The following HRH2 variants were observed in gnomAD, a reference collection of about 807,000 sequenced individuals.
HRH2 encodes the protein histamine receptor H2.
A neutral mutation model predicts 20.1 loss-of-function variants in HRH2; 4 were observed. The ratio of observed to expected loss-of-function variants is 0.20; its 90% CI spans 0.10 to 0.45. The LOEUF is 0.45. Ranked by LOEUF, HRH2 falls within the 20% of genes least tolerant of loss-of-function variation. The probability of loss-of-function intolerance (pLI) is 0.99; values close to 1 mark genes in which losing one functional copy is unlikely to be tolerated. For missense variants in HRH2, 250 were observed against 461.6 expected (o/e 0.54, Z 4.20); for synonymous variants, 197 against 200.7 (o/e 0.98, Z 0.16).
intron 1 of HRH2, among the ~76,000 whole-genome samples, chr5:175,676,308 T>C (rs1205518723): frequency 6.6e-6 from 1 of 152,256 alleles, no homozygotes; most frequent in African/African-American, 2.4e-5. Context: ...CACTCTGGTA[T>C]GCGCACATCC....
intron 2 of HRH2, among the ~76,000 whole-genome samples, chr5:175,705,744 C>T (rs905888801): frequency 6.6e-6 from 1 of 151,922 alleles, no homozygotes; most frequent in African/African-American, 2.4e-5. Flanking sequence ...CTCACTGCAG[C>T]CTCAGCCTCC....
chr5:175,673,039 T>G (rs981593595), intron 1 of HRH2, among the ~76,000 whole-genome samples: 10 of 152,010 alleles, frequency 6.6e-5, no homozygotes, highest in Admixed American at 1.3e-4. Flanking sequence ...GGGATGCCGA[T>G]CATAAGGGGC....
chr5:175,676,641 G>A (rs780262334), intron 1 of HRH2, among the ~76,000 whole-genome samples: 21 of 152,304 alleles, frequency 1.4e-4, no homozygotes, highest in Non-Finnish European at 2.4e-4. Flanking sequence ...ATTATGTAAC[G>A]TACATAGATT....
chr5:175,669,561 A>G (rs1260886446), intron 1 of HRH2, among the ~76,000 whole-genome samples: 1 of 151,816 alleles, frequency 6.6e-6, no homozygotes, highest in Admixed American at 6.6e-5. Flanking sequence ...ATGGGGTTTC[A>G]CTATGTTGGC....
chr5:175,697,234 C>T (rs145559934), intron 2 of HRH2, among the ~76,000 whole-genome samples: 4,686 of 152,090 alleles, frequency 0.031, 83 homozygotes, highest in African/African-American at 0.045. Flanking sequence ...CAGGCCGAGG[C>T]GGGCGGATCA....
intron 1 of HRH2, among the ~76,000 whole-genome samples, chr5:175,667,305 G>C (rs192716200): frequency 1.3e-5 from 2 of 152,054 alleles, no homozygotes; most frequent in Non-Finnish European, 2.9e-5. Flanking sequence ...TTAGCTGGGC[G>C]TGGTGGCAGG....
intron 2 of HRH2, among the ~76,000 whole-genome samples, chr5:175,702,034 A>G (rs1756802280): frequency 1.3e-5 from 2 of 152,124 alleles, no homozygotes; most frequent in South Asian, 2.1e-4. Context: ...AATCTGTACT[A>G]GAGTCTACAC....
At chr5:175,675,582 G>C (rs75605751) in intron 1 of HRH2, among the ~76,000 whole-genome samples, 3 of 152,318 alleles carry the variant, frequency 2.0e-5, no homozygotes, top group East Asian at 3.9e-4. Flanking sequence ...GGCCCTGAGG[G>C]CTATGAGCTT....
At chr5:175,665,014 C>T (rs535284861) in intron 1 of HRH2, among the ~76,000 whole-genome samples, 13 of 152,252 alleles carry the variant, frequency 8.5e-5, no homozygotes, top group African/African-American at 2.6e-4. Flanking sequence ...CCAGACAGTG[C>T]GGAGGAGGGT....
At chr5:175,696,672 C>T (rs2113548654) in intron 2 of HRH2, among the ~76,000 whole-genome samples, 1 of 152,304 alleles carries the variant, frequency 6.6e-6, no homozygotes, top group Middle Eastern at 3.4e-3. Flanking sequence ...GGGAGGGGCT[C>T]CGCAGGAAGT....
In HRH2 at chr5:175,687,696, C is replaced by G. The variant is rs1328169808; in HGVS notation, c.1076+3387C>G. Among the ~76,000 whole-genome samples, 1 of 152,110 alleles carries G rather than the reference C, an allele frequency of 6.6e-6. No individual in the cohort carries two copies. The highest frequency in any genetic ancestry group is 1.5e-5 in the Non-Finnish European group (1 of 68,006). Reference sequence around the variant, plus strand: ...ACCCCTACTGTCCACCCCTCATCACCTCTCCCCTGCCTCCTCTCAGATACC... The same window carrying G: ...ACCCCTACTGTCCACCCCTCATCACGTCTCCCCTGCCTCCTCTCAGATACC... On this transcript the variant is annotated intron_variant, in intron 2 of 2. Transcript: ENST00000636584. The surrounding 1 kb of genome is among the most constrained non-coding windows in gnomAD (Gnocchi z 5.2).
In HRH2 at chr5:175,684,229, C is replaced by G; in HGVS notation, c.996C>G (p.Pro332=). 4 of 1,614,194 alleles carry G rather than the reference C, an allele frequency of 2.5e-6. No homozygotes were observed. Among genetic ancestry groups the G allele is most frequent in the Non-Finnish European group, 3.4e-6 (4 of 1,180,042 alleles). Residue 332 remains proline (P), a synonymous_variant, in exon 2 of 3, where the codon CCC becomes CCG. Coordinates refer to ENST00000636584, the MANE Select transcript of HRH2 (RefSeq NM_001367711.1). ...SQLSRTQSRE[P]RQQEEKPLKL... ...TGTCCAGGACCCAAAGCCGAGAACCCAGGCAACAGGAAGAGAAACCCCTGA... is the reference window on the plus strand; with the variant it reads ...TGTCCAGGACCCAAAGCCGAGAACCGAGGCAACAGGAAGAGAAACCCCTGA...
chr5:175,691,213 T>C (rs1756367281), intron 2 of HRH2: 1 of 152,320 alleles, frequency 6.6e-6, no homozygotes, highest in African/African-American at 2.4e-5. Context: ...TCTTCCTCTT[T>C]GTCTCTTCAG....
At chr5:175,666,697 T>G (rs887532396) in intron 1 of HRH2, among the ~76,000 whole-genome samples, 5 of 152,222 alleles carry the variant, frequency 3.3e-5, no homozygotes, top group Non-Finnish European at 7.3e-5. Flanking sequence ...CCCAAAGCAC[T>G]GGGATTACAG....
intron 2 of HRH2, among the ~76,000 whole-genome samples, chr5:175,688,848 G>A (rs1366329112): frequency 5.3e-5 from 8 of 152,186 alleles, no homozygotes; most frequent in Admixed American, 5.2e-4. Context: ...CTGGACCCCT[G>A]CCGAGGTCTC....
At chr5:175,688,644 C>T (rs1471389380) in intron 2 of HRH2, among the ~76,000 whole-genome samples, 2 of 152,182 alleles carry the variant, frequency 1.3e-5, no homozygotes, top group Non-Finnish European at 2.9e-5. Context: ...GATTTGAGCC[C>T]GAGTCTCTCT....
At chr5:175,703,829 C>A (rs1159125122) in intron 2 of HRH2, 1 of 151,930 alleles carries the variant, frequency 6.6e-6, no homozygotes, top group African/African-American at 2.4e-5. Flanking sequence ...ACAGAACTTG[C>A]CAAAACTGAC....
At chr5:175,663,996 C>T (rs1214269377) in intron 1 of HRH2, among the ~76,000 whole-genome samples, 2 of 152,164 alleles carry the variant, frequency 1.3e-5, no homozygotes, top group Non-Finnish European at 1.5e-5. Context: ...CAGGAGGGTG[C>T]GGGCCTGGCG....
At chr5:175,698,455 G>A (rs191940740) in intron 2 of HRH2, among the ~76,000 whole-genome samples, 98 of 152,246 alleles carry the variant, frequency 6.4e-4, no homozygotes, top group Non-Finnish European at 1.1e-3. Context: ...TCTGTTAAAC[G>A]CACACACTTG....
Sources: gnomAD v4.1 joint callset for allele counts (sites outside exome capture counted in the v4.1 genomes callset) on GRCh38, gnomAD v4.1.1 for gene constraint, Gnocchi (gnomAD v3.1) non-coding constraint, MANE v1.5 for transcripts, NCBI Gene and HGNC (gene_info 2026-07-23, HGNC 2026-07-21) for gene names.